The following DDX19A variants were observed in gnomAD, a reference collection of about 807,000 sequenced individuals.
DDX19A encodes ATP-dependent RNA helicase DDX19A.
In DDX19A, 12 loss-of-function variants were observed where a neutral mutation model predicts 60.6. That is an observed-to-expected ratio of 0.20 (90% CI 0.13 to 0.32). The LOEUF (loss-of-function observed/expected upper bound fraction) is 0.32. Ranked by LOEUF, DDX19A falls within the 10% of genes least tolerant of loss-of-function variation. The probability of loss-of-function intolerance (pLI) is 1.00; values close to 1 mark genes in which losing one functional copy is unlikely to be tolerated. For synonymous variants in DDX19A, 206 were observed against 218.2 expected, an observed-to-expected ratio of 0.94 and a Z score of 0.49; for missense variants, 337 against 600.6, an observed-to-expected ratio of 0.56 and a Z score of 4.59.
chr16:70,350,241 A>C (rs2152223255), intron 1 of DDX19A, among the ~76,000 whole-genome samples: 1 of 152,320 alleles, frequency 6.6e-6, no homozygotes, highest in Non-Finnish European at 1.5e-5. Context: ...TGACAGAGTG[A>C]GACCTTGTCT....
intron 2 of DDX19A, among the ~76,000 whole-genome samples, chr16:70,353,848 C>T (rs1057198229): frequency 6.6e-6 from 1 of 151,252 alleles, no homozygotes; most frequent in Non-Finnish European, 1.5e-5. Flanking sequence ...TTGCAGTGAG[C>T]CGAGATCGTG....
intron 5 of DDX19A, among the ~76,000 whole-genome samples, chr16:70,362,212 C>T (rs1187106728): frequency 6.7e-6 from 1 of 148,942 alleles, no homozygotes; most frequent in Non-Finnish European, 1.5e-5. Context: ...AACAATTAGC[C>T]TGGCATGGTG....
At chr16:70,361,595 G>A in intron 5 of DDX19A, 85 bp downstream of exon 5, 1 of 1,088,796 alleles carries the variant, frequency 9.2e-7, no homozygotes, top group Non-Finnish European at 1.4e-6. Flanking sequence ...AGAACAGAAG[G>A]AGCTGTTTGG....
chr16:70,347,251 A>G, intron 1 of DDX19A: 1 of 589,858 alleles, frequency 1.7e-6, no homozygotes, highest in Non-Finnish European at 3.0e-6. Flanking sequence ...CTGGTTAAGG[A>G]CTTCATCCTT....
chr16:70,355,986 G>A (rs1385315304), intron 3 of DDX19A, 126 bp from the exon 4 acceptor site: 3 of 1,209,746 alleles, frequency 2.5e-6, no homozygotes, highest in Non-Finnish European at 1.2e-6. Flanking sequence ...AGACCTATCA[G>A]TGTGATGGTT....
chr16:70,348,139 A>G (rs1466251192), intron 1 of DDX19A: 2 of 271,142 alleles, frequency 7.4e-6, no homozygotes, highest in Non-Finnish European at 1.5e-5. Flanking sequence ...TAGAGGGCCT[A>G]TGTTGGGCAG....
intron 4 of DDX19A, among the ~76,000 whole-genome samples, chr16:70,361,200 A>G (rs1223151613): frequency 6.6e-6 from 1 of 152,226 alleles, no homozygotes; most frequent in Admixed American, 6.5e-5. Flanking sequence ...TCTGTATTTT[A>G]TGAATTATAG....
rs1040134469 is a variant in DDX19A, at chr16:70,355,829, G to A, written c.158-283G>A. On this transcript the variant is annotated intron_variant, in intron 3 of 11. Coordinates refer to ENST00000302243, the MANE Select transcript of DDX19A (RefSeq NM_018332.5). Reference sequence around the variant, plus strand: ...ATTTCAAAATGAGCTGGGTGTGGTAGCACACACCTGTACTCCCAGCTACTT... The same window carrying A: ...ATTTCAAAATGAGCTGGGTGTGGTAACACACACCTGTACTCCCAGCTACTT... The A allele has an allele frequency of 4.2e-5, 24 of 577,498 alleles. No homozygotes were observed. In the Admixed American group the frequency reaches 4.8e-4, roughly 12 times the overall value. 35.8% of individuals were successfully genotyped at this position (577,498 alleles called of 1,614,324 possible). A position where few individuals can be genotyped will look rare whatever the true frequency, so the allele number is the denominator to read the frequency against.
chr16:70,349,539 G>A (rs1365176548), intron 1 of DDX19A, among the ~76,000 whole-genome samples: 7 of 152,170 alleles, frequency 4.6e-5, no homozygotes, highest in African/African-American at 1.7e-4. Context: ...TAAGGAGAGC[G>A]GTCAGGCCTG....
In DDX19A at chr16:70,361,520, C is replaced by A; in HGVS notation, c.386+10C>A. The A allele has an allele frequency of 6.3e-7, 1 of 1,593,656 alleles. No individual in the cohort carries two copies. The highest frequency in any genetic ancestry group is 8.6e-7 in the Non-Finnish European group (1 of 1,163,214). ...TGATGCTTGCTGAACCGTGAGTATG[C>A]AGATGAAGCGCATCTCACCCAGTGT... is the stretch of plus-strand genomic sequence containing the variant. On this transcript the variant is annotated intron_variant, in intron 5 of 11. Transcript: ENST00000302243.
Position 70,366,414 on chromosome 16 carries a change from A to C in DDX19A, c.782+152A>C, listed in dbSNP as rs578179991. ...ACGGGCCATTTCCATGTCAGCGCTG[A>C]TCACAGTCCCTCCCAACCTGGGTTG... On this transcript the variant is annotated intron_variant, in intron 8 of 11. Coordinates refer to ENST00000302243, the MANE Select transcript of DDX19A (RefSeq NM_018332.5). 4.6e-6 allele frequency: 6 copies of C among 1,309,020 alleles called. No homozygotes were observed. The Admixed American group carries it at 1.4e-4, about 30-fold the overall frequency. The allele number at this position is 1,309,020 out of a possible 1,614,324, so 81.1% of individuals were successfully genotyped here. A position where few individuals can be genotyped will look rare whatever the true frequency, so the allele number is the denominator to read the frequency against.
intron 1 of DDX19A, among the ~76,000 whole-genome samples, chr16:70,347,678 C>CT (rs964047276): frequency 1.0e-3 from 151 of 151,554 alleles, no homozygotes; most frequent in Non-Finnish European, 1.6e-3. Flanking sequence ...AATGGACTGT[C>CT]TTTTTTTTTG....
At chr16:70,361,763 A>G (rs1964369282) in intron 5 of DDX19A, 1 of 334,966 alleles carries the variant, frequency 3.0e-6, no homozygotes, top group East Asian at 7.0e-5. Flanking sequence ...AAGGCCGGGC[A>G]TGGTGGCTCA....
At chr16:70,365,765 G>T (rs902553663) in intron 7 of DDX19A, 5 of 400,084 alleles carry the variant, frequency 1.2e-5, no homozygotes, top group Non-Finnish European at 1.9e-5. Flanking sequence ...GGGCAACAGA[G>T]TGAGACCCTG....
intron 9 of DDX19A, among the ~76,000 whole-genome samples, chr16:70,369,614 TTTC>T (rs1464762365): frequency 3.3e-5 from 5 of 150,962 alleles, no homozygotes; most frequent in South Asian, 2.1e-4. Context: ...TTTTTTTTCT[TTTC>T]TTCTTTTTTT....
chr16:70,353,683 C>T (rs1208486466), intron 2 of DDX19A, among the ~76,000 whole-genome samples: 1 of 134,048 alleles, frequency 7.5e-6, no homozygotes, highest in Admixed American at 7.6e-5. Flanking sequence ...GGTGGATCAC[C>T]TGAGGTCGGG....
chr16:70,349,215 C>T (rs866271101), intron 1 of DDX19A, among the ~76,000 whole-genome samples: 3 of 152,160 alleles, frequency 2.0e-5, no homozygotes, highest in African/African-American at 7.2e-5. Flanking sequence ...CCAATGGAGT[C>T]CACAGAGTGT....
intron 7 of DDX19A, 157 bp downstream of exon 7, chr16:70,365,288 T>G (rs879922723): frequency 3.1e-5 from 15 of 488,652 alleles, no homozygotes; most frequent in Non-Finnish European, 4.4e-5. Flanking sequence ...CCTGCTAATT[T>G]GTTAACAGTC....
rs1248822470 is a variant in DDX19A, at chr16:70,371,930, A to T, written c.1381A>T (p.Lys461Ter). The change falls in exon 12 of 12, where the codon AAG (lysine) becomes TAG (stop). Residue 461 changes from lysine (K) to a stop codon, truncating the protein, a stop_gained. Coordinates refer to ENST00000302243, the MANE Select transcript of DDX19A (RefSeq NM_018332.5). LOFTEE classifies it high-confidence loss of function. ...CTTGTGTATCTTTCCCCCAGATAAG[A>T]AGATAGAAAGATTGGACACAGATGA... ...LNRIQEHFNKKIERLDTDDLD... is the reference protein window; with the variant it reads ...LNRIQEHFNK 6.2e-7 allele frequency: 1 copy of T among 1,613,822 alleles called. No individual in the cohort carries two copies. Among genetic ancestry groups the T allele is most frequent in the African/African-American group, 1.3e-5 (1 of 74,906 alleles).
Sources: allele counts gnomAD v4.1 joint callset (sites outside exome capture counted in the v4.1 genomes callset), GRCh38; gene constraint gnomAD v4.1.1; transcripts MANE v1.5; gene names NCBI Gene and HGNC (gene_info 2026-07-23, HGNC 2026-07-21).